GABRG3: variants seen among roughly 807,000 people sequenced by gnomAD.
GABRG3 encodes the protein gamma-aminobutyric acid type A receptor subunit gamma3, also known as gamma-aminobutyric acid receptor subunit gamma-3.
Under a neutral mutation model 48.8 loss-of-function variants are expected in GABRG3, and 25 were observed. The ratio of observed to expected loss-of-function variants is 0.51; its 90% CI spans 0.37 to 0.72. The LOEUF (loss-of-function observed/expected upper bound fraction) is 0.72. Among genes scored for constraint, GABRG3 ranks in the 30% least tolerant of loss-of-function variants. The pLI, the probability that GABRG3 is intolerant of heterozygous loss-of-function variation, is 0.00. For synonymous variants in GABRG3, 227 were observed against 217.6 expected, an observed-to-expected ratio of 1.04 and a Z score of -0.38; for missense variants, 394 against 577.9, an observed-to-expected ratio of 0.68 and a Z score of 3.26.
chr15:27,514,990 T>G (rs1022527110), intron 6 of GABRG3, among the ~76,000 whole-genome samples: 4 of 152,178 alleles, frequency 2.6e-5, no homozygotes, highest in Admixed American at 6.5e-5. Context: ...AGGAACAAAT[T>G]CTCAAGAATG....
chr15:27,200,292 C>T (rs543792934), intron 3 of GABRG3, among the ~76,000 whole-genome samples: 51 of 152,328 alleles, frequency 3.3e-4, no homozygotes, highest in Admixed American at 2.6e-3. Context: ...CACACTCACC[C>T]TAAATCTTCT....
chr15:27,163,435 C>A (rs1211334693), intron 3 of GABRG3, among the ~76,000 whole-genome samples: 1 of 151,964 alleles, frequency 6.6e-6, no homozygotes, highest in African/African-American at 2.4e-5. Context: ...AGTGGGGTCA[C>A]CTACTAAGAT....
At chr15:27,501,628 C>G (rs1409128476) in intron 6 of GABRG3, among the ~76,000 whole-genome samples, 2 of 152,100 alleles carry the variant, frequency 1.3e-5, no homozygotes, top group African/African-American at 2.4e-5. Flanking sequence ...CATGAAAAAT[C>G]CTGAAGCCTT....
chr15:27,269,729 A>G (rs1891024085), intron 3 of GABRG3, among the ~76,000 whole-genome samples: 1 of 152,202 alleles, frequency 6.6e-6, no homozygotes, highest in South Asian at 2.1e-4. Flanking sequence ...GCTAAAACAT[A>G]AGTCAGCTTG....
chr15:27,227,523 T>C (rs1439352234), intron 3 of GABRG3, among the ~76,000 whole-genome samples: 1 of 151,818 alleles, frequency 6.6e-6, no homozygotes, highest in Non-Finnish European at 1.5e-5. Context: ...TGTAATAAAA[T>C]ATATATTTTT....
chr15:27,476,380 TG>T (rs79079309), intron 5 of GABRG3, among the ~76,000 whole-genome samples: 6,106 of 152,028 alleles, frequency 0.04, 571 homozygotes, highest in East Asian at 0.37. Context: ...TAAAAATGTG[TG>T]TAAAGAACTT....
chr15:27,382,159 T>C (rs1294064146), intron 5 of GABRG3, among the ~76,000 whole-genome samples: 5 of 152,200 alleles, frequency 3.3e-5, no homozygotes. Flanking sequence ...TTATTGAGTC[T>C]CTAATGTGCT....
chr15:27,374,452 A>C (rs1895525766), intron 5 of GABRG3, among the ~76,000 whole-genome samples: 1 of 152,112 alleles, frequency 6.6e-6, no homozygotes, highest in Admixed American at 6.6e-5. Context: ...ATATATTTCC[A>C]ATTTGAAATT....
chr15:27,206,581 C>T (rs969563044), intron 3 of GABRG3, among the ~76,000 whole-genome samples: 4 of 151,984 alleles, frequency 2.6e-5, no homozygotes, highest in South Asian at 2.1e-4. Context: ...GATCAAGTGT[C>T]GAATTTTTAT....
chr15:26,985,683 AT>A (rs1301036638), intron 2 of GABRG3, among the ~76,000 whole-genome samples: 1 of 152,028 alleles, frequency 6.6e-6, no homozygotes, highest in African/African-American at 2.4e-5. Context: ...CTTGGTGTTA[AT>A]GGAATAACCT....
At chr15:27,397,509 C>T (rs1360929381) in intron 5 of GABRG3, among the ~76,000 whole-genome samples, 1 of 152,146 alleles carries the variant, frequency 6.6e-6, no homozygotes, top group East Asian at 1.9e-4. Flanking sequence ...CTTTCTTAGT[C>T]TGTCCATTTT....
At chr15:26,981,775 C>T (rs1895059770) in intron 2 of GABRG3, among the ~76,000 whole-genome samples, 1 of 152,170 alleles carries the variant, frequency 6.6e-6, no homozygotes, top group African/African-American at 2.4e-5. Flanking sequence ...TCAGGAGGCT[C>T]CACTGCCTGA....
rs10549691 is a variant in GABRG3, at chr15:27,436,995, T to TAGAGAGAGAGAG, written c.575-43628_575-43617dup. On this transcript the variant is annotated intron_variant, in intron 5 of 9. Coordinates refer to ENST00000615808, the MANE Select transcript of GABRG3 (RefSeq NM_033223.5). ...TGGGTGAGACTCCTTCTCCGAAAAA[T>TAGAGAGAGAGAG]AGAGAGAGAGAGAGAGAGAGAGAGA... Among the ~76,000 whole-genome samples the TAGAGAGAGAGAG allele has an allele frequency of 1.8e-3, 235 of 130,582 alleles. 2 individuals carry two copies. The highest frequency in any genetic ancestry group is 6.0e-3 in the African/African-American group (212 of 35,318). 85.7% of individuals were successfully genotyped at this position (130,582 alleles called of 152,430 possible).
rs1025283276 is a variant in GABRG3, at chr15:27,179,515, A to G, written c.271-147294A>G. On this transcript the variant is annotated intron_variant, in intron 3 of 9. Coordinates refer to ENST00000615808, the MANE Select transcript of GABRG3 (RefSeq NM_033223.5). The surrounding 1 kb of genome is among the most constrained non-coding windows in gnomAD (Gnocchi z 4.0). ...TTTATGCTTGGTCTGGCTCTGAGAA[A>G]TTTATCATTTTCCCCATTGGTAGAG... 6.6e-6 allele frequency among the ~76,000 whole-genome samples: 1 copy of G among 152,174 alleles called. No homozygotes were observed. The highest frequency in any genetic ancestry group is 1.5e-5 in the Non-Finnish European group (1 of 68,042).
In GABRG3 at chr15:27,248,809, G is replaced by C. The variant is rs1007182482; in HGVS notation, c.271-78000G>C. Among the ~76,000 whole-genome samples the C allele has an allele frequency of 0.011, 1,326 of 117,212 alleles. 23 individuals are homozygous for C. The East Asian group carries it at 0.13, about 11-fold the overall frequency. 76.9% of individuals were successfully genotyped at this position (117,212 alleles called of 152,430 possible). ...ACACACACACACACACACACAGAGA[G>C]AGAGAGAGAGAGAGAGAGAGAGAGA... On this transcript the variant is annotated intron_variant, in intron 3 of 9. Transcript: ENST00000615808.
rs1342358528 is a variant in GABRG3, at chr15:27,319,774, C to A, written c.271-7035C>A. Among the ~76,000 whole-genome samples the A allele has an allele frequency of 6.6e-6, 1 of 152,084 alleles. No individual in the cohort carries two copies. The highest frequency in any genetic ancestry group is 2.4e-5 in the African/African-American group (1 of 41,408). ...TTGTAAGCAAGCACGATACACGGAG[C>A]CTTGAGTATCATGCAAAGAATATTA... On this transcript the variant is annotated intron_variant, in intron 3 of 9. Transcript: ENST00000615808. The surrounding 1 kb of genome is among the most constrained non-coding windows in gnomAD (Gnocchi z 4.4).
At chr15:27,351,137 G>A (rs1894562714) in intron 5 of GABRG3, among the ~76,000 whole-genome samples, 1 of 147,118 alleles carries the variant, frequency 6.8e-6, no homozygotes, top group South Asian at 2.2e-4. Context: ...GTGTGTTTGA[G>A]TATGGTGTGT....
At chr15:26,971,731 C>A in intron 1 of GABRG3, 143 bp downstream of exon 1, 2 of 871,552 alleles carry the variant, frequency 2.3e-6, no homozygotes, top group Non-Finnish European at 3.2e-6. Context: ...GGAAGTCGGT[C>A]TGCACCTCAC....
chr15:27,255,806 G>A (rs758692578), intron 3 of GABRG3, among the ~76,000 whole-genome samples: 1 of 152,194 alleles, frequency 6.6e-6, no homozygotes. Context: ...TTCAGGGTGG[G>A]CAGGTTCTGG....
Sources: gnomAD v4.1 joint callset for allele counts (sites outside exome capture counted in the v4.1 genomes callset) on GRCh38, gnomAD v4.1.1 for gene constraint, Gnocchi (gnomAD v3.1) non-coding constraint, MANE v1.5 for transcripts, NCBI Gene and HGNC (gene_info 2026-07-23, HGNC 2026-07-21) for gene names.